The following FYB1 variants were observed in gnomAD, a reference collection of about 807,000 sequenced individuals.
FYB1 encodes FYN-binding protein 1.
A neutral mutation model predicts 94.1 loss-of-function variants in FYB1; 41 were observed. The observed-to-expected ratio is 0.44, with a 90% CI of 0.34 to 0.57. The LOEUF is 0.57. Ranked by LOEUF, FYB1 falls within the 20% of genes least tolerant of loss-of-function variation. The pLI is 0.02. For missense variants in FYB1, 1,050 were observed against 976.8 expected (o/e 1.07, Z -1.00); for synonymous variants, 367 against 353.2 (o/e 1.04, Z -0.44).
chr5:39,211,484 G>A, intron 1 of FYB1, among the ~76,000 whole-genome samples: 1 of 151,918 alleles, frequency 6.6e-6, no homozygotes, highest in Non-Finnish European at 1.5e-5. Context: ...ACCACGCCTG[G>A]CTAATTTTTT....
At chr5:39,157,864 A>G (rs528407919) in intron 2 of FYB1, among the ~76,000 whole-genome samples, 1 of 152,308 alleles carries the variant, frequency 6.6e-6, no homozygotes, top group African/African-American at 2.4e-5. Context: ...ACAGTGCAGG[A>G]TGGTTCAGCA....
At chr5:39,174,022 AT>A (rs1298635401) in intron 2 of FYB1, among the ~76,000 whole-genome samples, 2 of 152,158 alleles carry the variant, frequency 1.3e-5, no homozygotes, top group East Asian at 3.8e-4. Flanking sequence ...GAATCTGTAA[AT>A]TGCTTTGGGC....
chr5:39,109,608 T>G (rs999296392), intron 17 of FYB1, among the ~76,000 whole-genome samples: 2 of 152,126 alleles, frequency 1.3e-5, no homozygotes, highest in Non-Finnish European at 2.9e-5. Flanking sequence ...TTTTTCTGAT[T>G]GGTGTCAGGT....
intron 2 of FYB1, among the ~76,000 whole-genome samples, chr5:39,160,039 T>C (rs933698011): frequency 6.6e-5 from 10 of 152,204 alleles, no homozygotes; most frequent in African/African-American, 2.4e-4. Flanking sequence ...TTGCTACTTC[T>C]ATATCTTAAA....
chr5:39,185,589 TATATATAC>T (rs1746684562), intron 2 of FYB1, among the ~76,000 whole-genome samples: 2 of 145,840 alleles, frequency 1.4e-5, no homozygotes, highest in African/African-American at 5.1e-5. Flanking sequence ...CATATATACA[TATATATAC>T]ATATATATAC....
chr5:39,145,232 G>A (rs1395034944), intron 3 of FYB1, among the ~76,000 whole-genome samples: 2 of 152,104 alleles, frequency 1.3e-5, no homozygotes, highest in Non-Finnish European at 2.9e-5. Flanking sequence ...GGATATTTAA[G>A]GGAACTGGAT....
chr5:39,157,062 G>A (rs1743827072), intron 2 of FYB1, among the ~76,000 whole-genome samples: 2 of 152,084 alleles, frequency 1.3e-5, no homozygotes, highest in African/African-American at 4.8e-5. Flanking sequence ...ACAGCCCTAT[G>A]GGGGTATATG....
chr5:39,115,461 T>C (rs1260208083), intron 16 of FYB1, among the ~76,000 whole-genome samples: 2 of 152,114 alleles, frequency 1.3e-5, no homozygotes, highest in African/African-American at 4.8e-5. Flanking sequence ...CAGTTGTAGA[T>C]GGAAAACAGC....
intron 3 of FYB1, among the ~76,000 whole-genome samples, chr5:39,148,718 A>T (rs1253971176): frequency 2.6e-5 from 4 of 152,148 alleles, no homozygotes; most frequent in Admixed American, 2.0e-4. Flanking sequence ...AAAAAATAAA[A>T]CACACACATA....
chr5:39,267,549 T>A (rs995198439), intron 1 of FYB1, among the ~76,000 whole-genome samples: 2 of 151,956 alleles, frequency 1.3e-5, no homozygotes, highest in Admixed American at 6.6e-5. Context: ...AAAAATGGAG[T>A]TTTTTCCTTT....
At chr5:39,204,204 C>G (rs1748635216) in intron 1 of FYB1, among the ~76,000 whole-genome samples, 1 of 152,144 alleles carries the variant, frequency 6.6e-6, no homozygotes, top group Admixed American at 6.5e-5. Context: ...TTCTATAAGC[C>G]CCTATGCTAT....
intron 1 of FYB1, among the ~76,000 whole-genome samples, chr5:39,267,720 T>C (rs1018819865): frequency 3.3e-5 from 5 of 152,200 alleles, no homozygotes; most frequent in African/African-American, 9.7e-5. Context: ...TATGCCATAA[T>C]TGCACTGAGA....
intron 2 of FYB1, among the ~76,000 whole-genome samples, chr5:39,170,609 A>G (rs1290005486): frequency 6.6e-6 from 1 of 152,198 alleles, no homozygotes; most frequent in Non-Finnish European, 1.5e-5. Flanking sequence ...GACTCTTAAC[A>G]GTAGCCTCCT....
At chr5:39,247,105 T>TATATAC (rs1554044464) in intron 1 of FYB1, among the ~76,000 whole-genome samples, 8 of 141,992 alleles carry the variant, frequency 5.6e-5, no homozygotes, top group African/African-American at 2.1e-4. Context: ...TATATATATA[T>TATATAC]ATATATATAT....
chr5:39,177,641 A>G (rs1745859157), intron 2 of FYB1, among the ~76,000 whole-genome samples: 1 of 152,240 alleles, frequency 6.6e-6, no homozygotes, highest in Non-Finnish European at 1.5e-5. Context: ...GAGTTTTACA[A>G]AATTTGCCAT....
At chr5:39,188,164 T>C (rs973363493) in intron 2 of FYB1, among the ~76,000 whole-genome samples, 44 of 152,080 alleles carry the variant, frequency 2.9e-4, no homozygotes, top group African/African-American at 1.0e-3. Context: ...CTCTTTGTGA[T>C]CCAGTAACTA....
At chr5:39,261,188 C>T (rs145418054) in intron 1 of FYB1, among the ~76,000 whole-genome samples, 66 of 150,784 alleles carry the variant, frequency 4.4e-4, no homozygotes, top group African/African-American at 1.6e-3. Flanking sequence ...GGATGGGGAG[C>T]GAGGGGAGGG....
At chr5:39,126,808 C>T (rs774535142) in intron 11 of FYB1, among the ~76,000 whole-genome samples, 1 of 151,352 alleles carries the variant, frequency 6.6e-6, no homozygotes, top group Non-Finnish European at 1.5e-5. Context: ...CCTGTAATCC[C>T]AGCACTTTGG....
intron 1 of FYB1, among the ~76,000 whole-genome samples, chr5:39,251,571 T>A (rs1019695921): frequency 6.6e-6 from 1 of 151,946 alleles, no homozygotes; most frequent in African/African-American, 2.4e-5. Flanking sequence ...AAGAGCAAAG[T>A]GTGAAAAGTA....
Sources: gnomAD v4.1 joint callset for allele counts (sites outside exome capture counted in the v4.1 genomes callset) on GRCh38, gnomAD v4.1.1 for gene constraint, MANE v1.5 for transcripts, NCBI Gene and HGNC (gene_info 2026-07-23, HGNC 2026-07-21) for gene names.